The following KIAA1328 variants were observed in gnomAD, a reference collection of about 807,000 sequenced individuals.
The protein encoded by KIAA1328 is KIAA1328, also known as protein hinderin.
Under a neutral mutation model 68.1 loss-of-function variants are expected in KIAA1328, and 52 were observed. That is an observed-to-expected ratio of 0.76 (90% CI 0.61 to 0.96). The LOEUF (loss-of-function observed/expected upper bound fraction) is 0.96. Ranked by LOEUF, KIAA1328 falls within the 40% of genes least tolerant of loss-of-function variation. KIAA1328 has a pLI of 0.00. For missense variants in KIAA1328, 641 were observed against 677.6 expected, an observed-to-expected ratio of 0.95 and a Z score of 0.60; for synonymous variants, 232 against 239.4, an observed-to-expected ratio of 0.97 and a Z score of 0.28.
In KIAA1328 at chr18:36,912,126, C is replaced by A. The variant is rs2049477584; in HGVS notation, c.448+26454C>A. ...TTAAAATTTTCTGTTTATATGCATT[C>A]TTGAAAGTATATGTATTCACTTCCT... On this transcript the variant is annotated intron_variant, in intron 5 of 9. Transcript: ENST00000280020. 2.0e-5 allele frequency among the ~76,000 whole-genome samples: 3 copies of A among 152,086 alleles called. 1 individual carries two copies. The highest frequency in any genetic ancestry group is 2.0e-4 in the Admixed American group (3 of 15,236).
chr18:37,226,774 A>ATTTTT (rs56834709), downstream of KIAA1328, among the ~76,000 whole-genome samples: 1 of 134,396 alleles, frequency 7.4e-6, no homozygotes, highest in African/African-American at 2.8e-5. Flanking sequence ...CATGCAAAAC[A>ATTTTT]TTTTTTTTTT....
At chr18:36,942,199 G>C (rs1175180920) in intron 5 of KIAA1328, among the ~76,000 whole-genome samples, 1 of 152,202 alleles carries the variant, frequency 6.6e-6, no homozygotes, top group African/African-American at 2.4e-5. Context: ...TTTAAGATGT[G>C]AGGCCTGTTG....
At chr18:37,036,716 A>G (rs2055041358) in intron 6 of KIAA1328, among the ~76,000 whole-genome samples, 1 of 152,294 alleles carries the variant, frequency 6.6e-6, no homozygotes, top group Non-Finnish European at 1.5e-5. Context: ...GAAAACTGTC[A>G]TGCAAGTTCA....
intron 5 of KIAA1328, among the ~76,000 whole-genome samples, chr18:36,932,409 C>T (rs2050343455): frequency 1.3e-5 from 2 of 152,062 alleles, no homozygotes; most frequent in Non-Finnish European, 2.9e-5. Context: ...TTTGTAGAGA[C>T]TGGGTTTTGT....
At chr18:36,956,551 G>A (rs1748973454) in intron 5 of KIAA1328, among the ~76,000 whole-genome samples, 1 of 150,912 alleles carries the variant, frequency 6.6e-6, no homozygotes, top group African/African-American at 2.4e-5. Flanking sequence ...AGTGGGGGGG[G>A]GGTGCATTTA....
intron 7 of KIAA1328, among the ~76,000 whole-genome samples, chr18:37,122,645 A>G (rs1240217470): frequency 1.3e-5 from 2 of 149,650 alleles, no homozygotes; most frequent in South Asian, 2.1e-4. Context: ...GGAAAGGACA[A>G]CTATGTTGCA....
At chr18:37,141,892 T>C (rs947205906) in intron 7 of KIAA1328, among the ~76,000 whole-genome samples, 3 of 152,238 alleles carry the variant, frequency 2.0e-5, no homozygotes, top group Non-Finnish European at 2.9e-5. Flanking sequence ...TTTTAACCAG[T>C]TTTAATTGGA....
intron 5 of KIAA1328, among the ~76,000 whole-genome samples, chr18:36,891,703 A>G (rs1297867803): frequency 2.0e-5 from 3 of 151,990 alleles, no homozygotes; most frequent in East Asian, 3.9e-4. Flanking sequence ...TTATCCACTC[A>G]TTGGTTGGTG....
chr18:36,942,560 G>C (rs1295659105), intron 5 of KIAA1328, among the ~76,000 whole-genome samples: 8 of 152,276 alleles, frequency 5.3e-5, no homozygotes, highest in Non-Finnish European at 1.2e-4. Flanking sequence ...ACAGTTATAA[G>C]CAATTTGGTA....
intron 7 of KIAA1328, among the ~76,000 whole-genome samples, chr18:37,130,616 C>CAA (rs568848548): frequency 7.2e-6 from 1 of 139,318 alleles, no homozygotes; most frequent in Non-Finnish European, 1.6e-5. Flanking sequence ...GACTCCGTCT[C>CAA]AAAAAAAAAA....
At chr18:36,870,717 T>A (rs926117760) in intron 4 of KIAA1328, among the ~76,000 whole-genome samples, 1 of 152,212 alleles carries the variant, frequency 6.6e-6, no homozygotes, top group Non-Finnish European at 1.5e-5. Context: ...TAAACTCATA[T>A]CTCACCAATG....
At chr18:37,093,373 A>G (rs2057318636) in intron 7 of KIAA1328, among the ~76,000 whole-genome samples, 1 of 152,224 alleles carries the variant, frequency 6.6e-6, no homozygotes. Flanking sequence ...GAGATACAAA[A>G]TAATACAGAC....
intron 4 of KIAA1328, among the ~76,000 whole-genome samples, chr18:36,863,575 G>A (rs1053271945): frequency 1.3e-5 from 2 of 152,156 alleles, no homozygotes; most frequent in Admixed American, 6.5e-5. Context: ...ATATTAATAG[G>A]TGTTACATTA....
At chr18:36,982,080 ATATT>A (rs1383460667) in intron 6 of KIAA1328, among the ~76,000 whole-genome samples, 6 of 146,094 alleles carry the variant, frequency 4.1e-5, no homozygotes, top group Admixed American at 2.1e-4. Context: ...ATTAATATAT[ATATT>A]TATATTATAT....
intron 5 of KIAA1328, among the ~76,000 whole-genome samples, chr18:36,930,198 C>G (rs1325110488): frequency 6.6e-6 from 1 of 152,114 alleles, no homozygotes; most frequent in East Asian, 1.9e-4. Context: ...AAAATTTCAG[C>G]TGTTTTATTC....
chr18:36,870,478 CTAAAA>C (rs57240362), intron 4 of KIAA1328, among the ~76,000 whole-genome samples: 20,670 of 152,002 alleles, frequency 0.14, 1,732 homozygotes, highest in Admixed American at 0.18. Flanking sequence ...AAAAATAAAG[CTAAAA>C]TAAAATAGTA....
chr18:37,203,064 T>C (rs2060144050), intron 9 of KIAA1328, among the ~76,000 whole-genome samples: 1 of 151,648 alleles, frequency 6.6e-6, no homozygotes, highest in African/African-American at 2.4e-5. Context: ...CCTTTTTTTT[T>C]TTTTAAAGTT....
chr18:37,057,660 C>T (rs1266372970), intron 6 of KIAA1328, among the ~76,000 whole-genome samples: 1 of 151,550 alleles, frequency 6.6e-6, no homozygotes, highest in Non-Finnish European at 1.5e-5. Context: ...TGGTCTCGAT[C>T]TCCTGACCTC....
At chr18:37,073,125 T>C (rs1005567513) in intron 7 of KIAA1328, among the ~76,000 whole-genome samples, 5 of 152,150 alleles carry the variant, frequency 3.3e-5, no homozygotes, top group African/African-American at 1.2e-4. Flanking sequence ...ATGATGAAAA[T>C]GCTGAAAGCA....
Sources: gnomAD v4.1 joint callset for allele counts (sites outside exome capture counted in the v4.1 genomes callset) on GRCh38, gnomAD v4.1.1 for gene constraint, MANE v1.5 for transcripts, NCBI Gene and HGNC (gene_info 2026-07-23, HGNC 2026-07-21) for gene names.